The following MAML1 variants were observed in gnomAD, a reference collection of about 807,000 sequenced individuals.
MAML1 encodes mastermind like transcriptional coactivator 1.
Under a neutral mutation model 77.1 loss-of-function variants are expected in MAML1, and 14 were observed. The ratio of observed to expected loss-of-function variants is 0.18; its 90% CI spans 0.12 to 0.28. The LOEUF is 0.28. Ranked by LOEUF, MAML1 falls within the 10% of genes least tolerant of loss-of-function variation. MAML1 has a pLI of 1.00. For synonymous variants in MAML1, 516 were observed against 551.9 expected (o/e 0.93, Z 0.91); for missense variants, 1,217 against 1,327.8 (o/e 0.92, Z 1.30).
chr5:179,754,097 A>G (rs1039086863), intron 1 of MAML1, among the ~76,000 whole-genome samples: 2 of 152,034 alleles, frequency 1.3e-5, no homozygotes, highest in Non-Finnish European at 2.9e-5. Flanking sequence ...CAGTCTGGGT[A>G]ATATGGTGAA....
chr5:179,771,236 G>T lies in MAML1; in HGVS notation c.2061G>T (p.Gln687His), dbSNP rs1407617374. The T allele has an allele frequency of 1.2e-6, 2 of 1,614,140 alleles. No individual in the cohort carries two copies. The highest frequency in any genetic ancestry group is 1.7e-6 in the Non-Finnish European group (2 of 1,179,946). The change falls in exon 4 of 5, where the codon CAG (glutamine) becomes CAT (histidine). Residue 687 changes from glutamine (Q) to histidine (H), a missense_variant. By Grantham distance (24) the Gln-to-His change is conservative. Around this residue, in one of 3 missense-constraint regions of MAML1, gnomAD observed 884 missense variants for 949.3 expected, o/e 0.93. Transcript: ENST00000292599. The surrounding 1 kb of genome is among the most constrained non-coding windows in gnomAD (Gnocchi z 4.7). Reference sequence around the variant, plus strand: ...GCAGCTTCCCACAGCAGGTTGGACAGTTCACAGGTAGGGGGTGTCTGTGTG... The same window carrying T: ...GCAGCTTCCCACAGCAGGTTGGACATTTCACAGGTAGGGGGTGTCTGTGTG... ...TQGSFPQQVG[Q>H]FTGSSAAVPG...
rs2113389087 is a variant in MAML1 at position 179,776,104 on chromosome 5, G to A, written c.*1227G>A. ...CCACGAAATAGAATATGACATGTGA[G>A]CTGTTTTTGGAAAACGAAGATGGAG... is the stretch of plus-strand genomic sequence containing the variant. On this transcript the variant is annotated 3_prime_UTR_variant, in exon 5 of 5. Coordinates refer to ENST00000292599, the MANE Select transcript of MAML1 (RefSeq NM_014757.5). 1.0e-6 allele frequency: 1 copy of A among 985,924 alleles called. No homozygotes were observed. The highest frequency in any genetic ancestry group is 4.7e-5 in the South Asian group (1 of 21,284). The allele number at this position is 985,924 out of a possible 1,614,324, so 61.1% of individuals were successfully genotyped here.
At position 179,776,845 on chromosome 5, in the gene MAML1, C is replaced by A; in HGVS notation, c.*1968C>A. 2.0e-6 allele frequency: 2 copies of A among 985,940 alleles called. No individual in the cohort carries two copies. The highest frequency in any genetic ancestry group is 2.4e-6 in the Non-Finnish European group (2 of 829,960). The allele number at this position is 985,940 out of a possible 1,614,324, so 61.1% of individuals were successfully genotyped here. On this transcript the variant is annotated 3_prime_UTR_variant, in exon 5 of 5. Coordinates refer to ENST00000292599, the MANE Select transcript of MAML1 (RefSeq NM_014757.5). ...CTTGGGGTCCCCCCAGGGAGCTGCCCATGGCTTTATTTATGAACCTGGTTT... is the reference window on the plus strand; with the variant it reads ...CTTGGGGTCCCCCCAGGGAGCTGCCAATGGCTTTATTTATGAACCTGGTTT...
rs368036232 is a variant in MAML1 at position 179,766,021 on chromosome 5, T to A, written c.1011T>A (p.Asp337Glu). Residue 337 changes from aspartate to glutamate, a missense_variant, in exon 2 of 5, where the codon GAT becomes GAA. Physicochemically the swap from Asp to Glu is conservative, Grantham distance 45. Transcript: ENST00000292599. The surrounding 1 kb of genome is among the most constrained non-coding windows in gnomAD (Gnocchi z 4.0). Reference sequence around the variant, plus strand: ...CTTCCTCTGCCCCTGTGAGTACAGATTCCCCCAGCCTAGGGGGCTCCCAAA... The same window carrying A: ...CTTCCTCTGCCCCTGTGAGTACAGAATCCCCCAGCCTAGGGGGCTCCCAAA... ...LGPSSAPVST[D>E]SPSLGGSQTL... The A allele has an allele frequency of 6.0e-5, 96 of 1,599,254 alleles. No homozygotes were observed. The highest frequency in any genetic ancestry group is 7.3e-5 in the Non-Finnish European group (86 of 1,174,302).
At chr5:179,755,045 A>AGGG (rs375675904) in intron 1 of MAML1, among the ~76,000 whole-genome samples, 178 of 152,348 alleles carry the variant, frequency 1.2e-3, no homozygotes, top group African/African-American at 4.0e-3. Flanking sequence ...GGCATATTTA[A>AGGG]GGGAGTCACC....
At chr5:179,737,196 A>G (rs1030162231) in intron 1 of MAML1, among the ~76,000 whole-genome samples, 1 of 152,180 alleles carries the variant, frequency 6.6e-6, no homozygotes, top group African/African-American at 2.4e-5. Context: ...ATGTCTTTTT[A>G]TCACATTAAA....
chr5:179,755,404 G>A (rs1340524760), intron 1 of MAML1, among the ~76,000 whole-genome samples: 1 of 152,162 alleles, frequency 6.6e-6, no homozygotes, highest in Non-Finnish European at 1.5e-5. Context: ...GGATGAAAAG[G>A]GCAAGGCTTT....
intron 1 of MAML1, among the ~76,000 whole-genome samples, chr5:179,751,172 C>T (rs1191320966): frequency 6.6e-6 from 1 of 151,960 alleles, no homozygotes; most frequent in Non-Finnish European, 1.5e-5. Flanking sequence ...AGGGTTTCAC[C>T]ATATTGGTCA....
At chr5:179,758,058 C>A (rs1433718787) in intron 1 of MAML1, among the ~76,000 whole-genome samples, 4 of 152,160 alleles carry the variant, frequency 2.6e-5, no homozygotes, top group African/African-American at 9.7e-5. Context: ...TGCACAGGAC[C>A]TCTCTGTACT....
intron 1 of MAML1, among the ~76,000 whole-genome samples, chr5:179,743,719 G>A (rs1479045790): frequency 2.6e-5 from 4 of 151,930 alleles, no homozygotes; most frequent in Non-Finnish European, 5.9e-5. Context: ...AAGTTTTTAA[G>A]CTTATGAAAA....
At position 179,774,198 on chromosome 5, in the gene MAML1, C is replaced by G; in HGVS notation, c.2372C>G (p.Thr791Ser). ...IPRQTNVGQN[T>S]SVSAAYGQNS... is the part of the protein sequence containing the mutation. ...CGGCAGACCAACGTGGGCCAGAACA[C>G]CTCCGTCTCAGCTGCCTATGGGCAG... Residue 791 changes from threonine (T) to serine (S), a missense_variant, in exon 5 of 5, where the codon ACC becomes AGC. Physicochemically the swap from Thr to Ser is moderately conservative, Grantham distance 58. Coordinates refer to ENST00000292599, the MANE Select transcript of MAML1 (RefSeq NM_014757.5). The G allele has an allele frequency of 6.2e-7, 1 of 1,613,484 alleles. No homozygotes were observed. The highest frequency in any genetic ancestry group is 8.5e-7 in the Non-Finnish European group (1 of 1,179,952).
In MAML1 at chr5:179,774,723, C is replaced by T. The variant is rs776719597; in HGVS notation, c.2897C>T (p.Ala966Val). 2.3e-5 allele frequency: 37 copies of T among 1,611,282 alleles called. No homozygotes were observed. Among genetic ancestry groups the T allele is most frequent in the South Asian group, 1.1e-4 (10 of 91,094 alleles). Residue 966 changes from alanine (A) to valine (V), a missense_variant, in exon 5 of 5, where the codon GCG becomes GTG. Ala to Val is a moderately conservative substitution (Grantham distance 64, BLOSUM62 0). This residue lies in a region of MAML1 where 884 missense variants were observed against 949.3 expected (regional missense o/e 0.93). Coordinates refer to ENST00000292599, the MANE Select transcript of MAML1 (RefSeq NM_014757.5). ...HCTQAYPVRT[A>V]GQELPFAYSG... ...ACCCAGGCCTACCCTGTGCGGACCG[C>T]GGGCCAGGAGCTGCCTTTTGCCTAT...
intron 1 of MAML1, among the ~76,000 whole-genome samples, chr5:179,734,271 T>A (rs1205113199): frequency 6.6e-6 from 1 of 152,216 alleles, no homozygotes; most frequent in Non-Finnish European, 1.5e-5. Flanking sequence ...TTCATACCTT[T>A]ATTATCTCTC....
rs543866481 is a variant in MAML1 at position 179,756,627 on chromosome 5, T to G, written c.316-8699T>G. Among the ~76,000 whole-genome samples the G allele has an allele frequency of 2.1e-3, 326 of 152,106 alleles. 1 individual carries two copies. Among genetic ancestry groups the G allele is most frequent in the African/African-American group, 7.1e-3 (293 of 41,482 alleles). ...ACTTTATCTGTAAGTAATGGGGAAA[T>G]AAGACACTTAAAATGGTGCAGATAT... is the stretch of plus-strand genomic sequence containing the variant. On this transcript the variant is annotated intron_variant, in intron 1 of 4. Transcript: ENST00000292599.
In MAML1 at chr5:179,774,656, A is replaced by G; in HGVS notation, c.2830A>G (p.Ser944Gly). The G allele has an allele frequency of 6.2e-7, 1 of 1,610,696 alleles. No individual in the cohort carries two copies. Among genetic ancestry groups the G allele is most frequent in the Non-Finnish European group, 8.5e-7 (1 of 1,179,346 alleles). ...AGPELGAFSQ[S>G]PASQMGGRAG... ...GCCTGAGCTGGGGGCCTTCAGCCAG[A>G]GCCCTGCCTCACAGATGGGCGGTCG... The change falls in exon 5 of 5, where the codon AGC becomes GGC. Residue 944 changes from serine to glycine, a missense_variant. By Grantham distance (56) the Ser-to-Gly change is moderately conservative. Coordinates refer to ENST00000292599, the MANE Select transcript of MAML1 (RefSeq NM_014757.5).
Position 179,775,412 on chromosome 5 carries a change from G to A in MAML1, c.*535G>A, listed in dbSNP as rs1756115350. ...AATTAAGTGGCATTGGAAACCTAGG[G>A]TTTCCTTTTGATTAAGAGCCTTTTT... On this transcript the variant is annotated 3_prime_UTR_variant, in exon 5 of 5. Transcript: ENST00000292599. 1.0e-6 allele frequency: 1 copy of A among 985,408 alleles called. No homozygotes were observed. Among genetic ancestry groups the A allele is most frequent in the Non-Finnish European group, 1.2e-6 (1 of 829,922 alleles). The allele number at this position is 985,408 out of a possible 1,614,324, so 61.0% of individuals were successfully genotyped here.
In MAML1 at chr5:179,753,900, G is replaced by A. The variant is rs189429255; in HGVS notation, c.316-11426G>A. ...TTGGTCAAGCTGGTCTCGAACTCCC[G>A]ACCTCAAGTGATCCACCCACCTCGG... On this transcript the variant is annotated intron_variant, in intron 1 of 4. Coordinates refer to ENST00000292599, the MANE Select transcript of MAML1 (RefSeq NM_014757.5). Among the ~76,000 whole-genome samples, 754 of 151,856 alleles carry A rather than the reference G, an allele frequency of 5.0e-3. 2 individuals are homozygous for A. The highest frequency in any genetic ancestry group is 8.8e-3 in the Non-Finnish European group (595 of 67,924).
intron 1 of MAML1, among the ~76,000 whole-genome samples, chr5:179,745,656 C>G (rs989567901): frequency 6.6e-6 from 1 of 150,926 alleles, no homozygotes; most frequent in Non-Finnish European, 1.5e-5. Context: ...GTCAGGAGAT[C>G]GAGACCATCC....
intron 1 of MAML1, among the ~76,000 whole-genome samples, chr5:179,747,348 A>C (rs1177091816): frequency 6.6e-6 from 1 of 152,204 alleles, no homozygotes. Flanking sequence ...GGCTAGGACC[A>C]GTTGGGAAGT....
Sources: gnomAD v4.1 joint callset for allele counts (sites outside exome capture counted in the v4.1 genomes callset) on GRCh38, gnomAD v4.1.1 for gene constraint, gnomAD v4.1.1 regional missense constraint, Gnocchi (gnomAD v3.1) non-coding constraint, MANE v1.5 for transcripts, NCBI Gene and HGNC (gene_info 2026-07-23, HGNC 2026-07-21) for gene names.